Variants in CACNA1E observed in about 807,000 individuals in gnomAD.
CACNA1E encodes the protein calcium voltage-gated channel subunit alpha1 E.
In CACNA1E, 40 loss-of-function variants were observed where a neutral mutation model predicts 259.2. That is an observed-to-expected ratio of 0.15 (90% CI 0.12 to 0.20). The LOEUF (loss-of-function observed/expected upper bound fraction) is 0.20. CACNA1E is among the 10% of genes least tolerant of loss of function. The probability of loss-of-function intolerance (pLI) is 1.00; values close to 1 mark genes in which losing one functional copy is unlikely to be tolerated. For synonymous variants in CACNA1E, 1,104 were observed against 1,138.5 expected, an observed-to-expected ratio of 0.97 and a Z score of 0.61; for missense variants, 1,874 against 3,040.1, an observed-to-expected ratio of 0.62 and a Z score of 9.02.
At chr1:181,517,608 A>G (rs1372251720) in intron 3 of CACNA1E, among the ~76,000 whole-genome samples, 1 of 151,614 alleles carries the variant, frequency 6.6e-6, no homozygotes, top group Non-Finnish European at 1.5e-5. Context: ...AAGCAGAAAG[A>G]GGGGAGGCAG....
chr1:181,329,556 C>T (rs1167117542), intron 1 of CACNA1E, among the ~76,000 whole-genome samples: 1 of 152,192 alleles, frequency 6.6e-6, no homozygotes, highest in African/African-American at 2.4e-5. Flanking sequence ...CAGGCCTTTG[C>T]ACATGCTGTT....
At chr1:181,506,345 A>G (rs1292234628) in intron 1 of CACNA1E, among the ~76,000 whole-genome samples, 2 of 152,070 alleles carry the variant, frequency 1.3e-5, no homozygotes, top group Non-Finnish European at 2.9e-5. Flanking sequence ...TGCTGTCGGG[A>G]AGAAATGGGA....
rs749092090 is a variant in CACNA1E, at chr1:181,790,527, G to A, written c.5869G>A (p.Asp1957Asn). 1.2e-6 allele frequency: 2 copies of A among 1,611,678 alleles called. No homozygotes were observed. Among genetic ancestry groups the A allele is most frequent in the Non-Finnish European group, 1.7e-6 (2 of 1,177,730 alleles). ...FQLACMDPAD[D>N]GQFQERQSLE... ...GTTGGCTTGTATGGACCCCGCCGAT[G>A]ACGGACAGTTCCAAGAACGGCAGTC... Residue 1957 changes from aspartate (D) to asparagine (N), a missense_variant, in exon 44 of 48, where the codon GAC becomes AAC. By Grantham distance (23) the Asp-to-Asn change is conservative. Coordinates refer to ENST00000367573, the MANE Select transcript of CACNA1E (RefSeq NM_001205293.3).
At chr1:181,557,707 T>C (rs773178798) in intron 3 of CACNA1E, among the ~76,000 whole-genome samples, 31 of 152,184 alleles carry the variant, frequency 2.0e-4, no homozygotes, top group Non-Finnish European at 3.4e-4. Flanking sequence ...TCCTAAAGCA[T>C]AGCTTTGCTC....
chr1:181,586,699 A>T (rs1254693244), intron 6 of CACNA1E, among the ~76,000 whole-genome samples: 1 of 152,254 alleles, frequency 6.6e-6, no homozygotes, highest in African/African-American at 2.4e-5. Flanking sequence ...GGTCATTTGT[A>T]TAAATTCATC....
In CACNA1E at chr1:181,732,486, G is replaced by A; in HGVS notation, c.2400G>A (p.Glu800=). ...CCAGCCAGGAGGCCCTCAACAGAGA[G>A]GAGGCGCCGACCATGAACCCGCTCA... The part of the protein sequence containing the change: ...QMSSQEALNR[E]EAPTMNPLNP... Residue 800 remains glutamate (E), a synonymous_variant, in exon 20 of 48, where the codon GAG becomes GAA. Coordinates refer to ENST00000367573, the MANE Select transcript of CACNA1E (RefSeq NM_001205293.3). This position sits in a 1 kb window ranked among gnomAD's most constrained non-coding sequence, Gnocchi z 5.5. 2 of 1,551,468 alleles carry A rather than the reference G, an allele frequency of 1.3e-6. No homozygotes were observed. The highest frequency in any genetic ancestry group is 8.7e-7 in the Non-Finnish European group (1 of 1,146,878).
intron 6 of CACNA1E, among the ~76,000 whole-genome samples, chr1:181,634,162 CG>C (rs1656993859): frequency 6.6e-6 from 1 of 152,148 alleles, no homozygotes; most frequent in Non-Finnish European, 1.5e-5. Flanking sequence ...TTATGACTTA[CG>C]TGTCAGTTCA....
At chr1:181,741,980 T>C (rs999718037) in intron 25 of CACNA1E, among the ~76,000 whole-genome samples, 1 of 152,212 alleles carries the variant, frequency 6.6e-6, no homozygotes, top group Non-Finnish European at 1.5e-5. Context: ...ACATAGATGA[T>C]ACTTGCTCAC....
At chr1:181,408,290 A>G (rs1049438926) in intron 1 of CACNA1E, among the ~76,000 whole-genome samples, 2 of 152,202 alleles carry the variant, frequency 1.3e-5, no homozygotes, top group African/African-American at 4.8e-5. Flanking sequence ...CATGCACCCA[A>G]GGAAAGGAAG....
At chr1:181,341,719 G>T (rs767168485) in intron 1 of CACNA1E, among the ~76,000 whole-genome samples, 1 of 152,050 alleles carries the variant, frequency 6.6e-6, no homozygotes, top group Admixed American at 6.5e-5. Flanking sequence ...ATTCTTTCTC[G>T]GTTGTTCTCA....
intron 2 of CACNA1E, among the ~76,000 whole-genome samples, chr1:181,455,745 T>C (rs2102352420): frequency 6.6e-6 from 1 of 152,294 alleles, no homozygotes; most frequent in Non-Finnish European, 1.5e-5. Flanking sequence ...TCCTTGACCA[T>C]AATTTAGACT....
intron 7 of CACNA1E, among the ~76,000 whole-genome samples, chr1:181,654,740 T>C (rs1659050145): frequency 6.6e-6 from 1 of 152,092 alleles, no homozygotes; most frequent in Non-Finnish European, 1.5e-5. Flanking sequence ...ATCCCAGCAC[T>C]TTGGGAGGCC....
At chr1:181,793,556 A>G in intron 44 of CACNA1E, 109 bp from the exon 45 acceptor site, 1 of 1,180,810 alleles carries the variant, frequency 8.5e-7, no homozygotes, top group Non-Finnish European at 1.2e-6. Context: ...TTAAAGCTGC[A>G]AGTCTCTCTT....
upstream of CACNA1E, among the ~76,000 whole-genome samples, chr1:181,480,127 AAAC>A (rs1663136697): frequency 6.6e-6 from 1 of 152,162 alleles, no homozygotes; most frequent in African/African-American, 2.4e-5. Flanking sequence ...AAAAAAATAA[AAAC>A]AACAACTGTA....
intron 3 of CACNA1E, among the ~76,000 whole-genome samples, chr1:181,514,762 C>G (rs1343967611): frequency 6.6e-6 from 1 of 152,164 alleles, no homozygotes; most frequent in African/African-American, 2.4e-5. Context: ...AGTGTAAGAC[C>G]TGCTCTTATT....
intron 1 of CACNA1E, among the ~76,000 whole-genome samples, chr1:181,391,547 G>A (rs1290718393): frequency 6.6e-6 from 1 of 152,078 alleles, no homozygotes; most frequent in Non-Finnish European, 1.5e-5. Context: ...GTCTGGGGGG[G>A]AAGCTCCGTG....
intron 6 of CACNA1E, among the ~76,000 whole-genome samples, chr1:181,630,532 A>G (rs1656627676): frequency 6.6e-6 from 1 of 152,098 alleles, no homozygotes; most frequent in Non-Finnish European, 1.5e-5. Flanking sequence ...ACCCAGCTGT[A>G]TTGCAACAAC....
At chr1:181,477,347 G>C (rs7516364) in intron 2 of CACNA1E, among the ~76,000 whole-genome samples, 1 of 152,092 alleles carries the variant, frequency 6.6e-6, no homozygotes, top group South Asian at 2.1e-4. Context: ...CCTTGTATTC[G>C]AGCCCTTTGT....
chr1:181,360,766 GA>G (rs1172710243), intron 1 of CACNA1E, among the ~76,000 whole-genome samples: 2 of 152,054 alleles, frequency 1.3e-5, no homozygotes, highest in African/African-American at 2.4e-5. Context: ...TTTGAGTACT[GA>G]AAAAAACCCT....
Sources: allele counts gnomAD v4.1 joint callset (sites outside exome capture counted in the v4.1 genomes callset), GRCh38; gene constraint gnomAD v4.1.1; non-coding constraint Gnocchi (gnomAD v3.1); transcripts MANE v1.5; gene names NCBI Gene and HGNC (gene_info 2026-07-23, HGNC 2026-07-21).